Variants in CDH10 observed in about 807,000 individuals in gnomAD.
CDH10 encodes cadherin-10.
CDH10 carries 30 observed loss-of-function variants against 73.1 expected under a neutral mutation model. The ratio of observed to expected loss-of-function variants is 0.41; its 90% CI spans 0.31 to 0.56. CDH10 has a LOEUF of 0.56. CDH10 is among the 20% of genes least tolerant of loss of function. The pLI is 0.27. For synonymous variants in CDH10, 345 were observed against 348.2 expected, an observed-to-expected ratio of 0.99 and a Z score of 0.10; for missense variants, 815 against 973.7, an observed-to-expected ratio of 0.84 and a Z score of 2.17.
At position 24,597,168 on chromosome 5, in the gene CDH10, G is replaced by T. The variant is rs1322571295; in HGVS notation, c.-123-3555C>A. On this transcript the variant is annotated intron_variant, in intron 1 of 11. Transcript: ENST00000264463. ...TATTAAAACATCCTTCAGCCATTCT[G>T]CAATCCCATATTTCCTTTAGACCAG... 2.0e-5 allele frequency among the ~76,000 whole-genome samples: 3 copies of T among 151,972 alleles called. No individual in the cohort carries two copies. In the East Asian group the frequency reaches 5.8e-4, roughly 29 times the overall value.
At chr5:24,590,481 T>C (rs1746162809) in intron 2 of CDH10, among the ~76,000 whole-genome samples, 2 of 151,932 alleles carry the variant, frequency 1.3e-5, no homozygotes, top group African/African-American at 4.8e-5. Flanking sequence ...CCAAGAGAAG[T>C]TGATAAACCA....
In CDH10 at chr5:24,498,514, G is replaced by T. The variant is rs1742374038; in HGVS notation, c.1399C>A (p.Pro467Thr). 1 of 1,600,188 alleles carries T rather than the reference G, an allele frequency of 6.2e-7. No individual in the cohort carries two copies. The highest frequency in any genetic ancestry group is 1.1e-5 in the South Asian group (1 of 89,946). ...ACAGCCACGCGTGTTGTCTCTTTGG[G>T]ATTGTCTGGAAAAGGGGAAGAAAAA... ...LTVIAAEINN[P>T]KETTRVAVFV... The change falls in exon 9 of 12, where the codon CCC (proline) becomes ACC (threonine). Residue 467 changes from proline (P) to threonine (T), a missense_variant. By Grantham distance (38) the Pro-to-Thr change is conservative. This residue lies in a region of CDH10 where 516 missense variants were observed against 636.6 expected (regional missense o/e 0.81). Transcript: ENST00000264463.
chr5:24,535,917 A>G, intron 3 of CDH10, 95 bp from the exon 4 acceptor site: 1 of 803,466 alleles, frequency 1.2e-6, no homozygotes. Context: ...TTCTGGCTTT[A>G]ATCATGACCT....
chr5:24,529,364 G>C (rs1203842152), intron 5 of CDH10, among the ~76,000 whole-genome samples: 2 of 151,860 alleles, frequency 1.3e-5, no homozygotes, highest in Non-Finnish European at 2.9e-5. Context: ...ATAATGAATT[G>C]ATGTTGAAAT....
At chr5:24,635,675 A>G (rs574759904) in intron 1 of CDH10, among the ~76,000 whole-genome samples, 8 of 152,122 alleles carry the variant, frequency 5.3e-5, no homozygotes, top group Non-Finnish European at 1.2e-4. Context: ...AATGCAATTT[A>G]AGCTTTCAGG....
intron 2 of CDH10, among the ~76,000 whole-genome samples, chr5:24,558,019 T>C (rs1744825025): frequency 6.6e-6 from 1 of 151,684 alleles, no homozygotes; most frequent in African/African-American, 2.4e-5. Context: ...ATAAAATAAT[T>C]TTTTGACTAT....
At chr5:24,548,480 CTTT>C (rs70965609) in intron 2 of CDH10, among the ~76,000 whole-genome samples, 3 of 108,714 alleles carry the variant, frequency 2.8e-5, no homozygotes, top group Non-Finnish European at 3.8e-5. Context: ...CAGTCCTCCT[CTTT>C]TTTTTTTTTT....
At chr5:24,505,087 G>T (rs1218628203) in intron 8 of CDH10, 25 bp downstream of exon 8, 2 of 1,499,942 alleles carry the variant, frequency 1.3e-6, no homozygotes, top group Non-Finnish European at 9.3e-7. Context: ...CTAGATATAT[G>T]TTAGATACAT....
At chr5:24,572,666 A>G (rs1397012145) in intron 2 of CDH10, among the ~76,000 whole-genome samples, 17 of 152,080 alleles carry the variant, frequency 1.1e-4, no homozygotes, top group Admixed American at 1.1e-3. Context: ...GTAGAATCGT[A>G]TTTTCAGGAA....
At chr5:24,494,676 G>T (rs1579714543) in intron 9 of CDH10, among the ~76,000 whole-genome samples, 1 of 151,876 alleles carries the variant, frequency 6.6e-6, no homozygotes, top group East Asian at 1.9e-4. Context: ...AACAAATAGT[G>T]ACATCTTTAC....
chr5:24,556,698 T>G (rs2111973038), intron 2 of CDH10, among the ~76,000 whole-genome samples: 1 of 151,756 alleles, frequency 6.6e-6, no homozygotes, highest in East Asian at 1.9e-4. Flanking sequence ...TCTTAAAAAC[T>G]TAATGACTAG....
chr5:24,586,344 G>C (rs1745992081), intron 2 of CDH10, among the ~76,000 whole-genome samples: 1 of 151,258 alleles, frequency 6.6e-6, no homozygotes, highest in Non-Finnish European at 1.5e-5. Context: ...AAAGAGAGAA[G>C]CAAAGGTTTT....
At chr5:24,496,588 C>G (rs1742297280) in intron 9 of CDH10, among the ~76,000 whole-genome samples, 1 of 152,242 alleles carries the variant, frequency 6.6e-6, no homozygotes, top group Non-Finnish European at 1.5e-5. Flanking sequence ...TGTCCACAAC[C>G]AAATGAATGG....
chr5:24,496,425 T>TGAAG (rs1373672105), intron 9 of CDH10, among the ~76,000 whole-genome samples: 1 of 151,984 alleles, frequency 6.6e-6, no homozygotes, highest in Admixed American at 6.6e-5. Flanking sequence ...ATGGAAAAGG[T>TGAAG]GAAGGGTCAA....
chr5:24,537,019 T>C (rs899148584), intron 3 of CDH10, among the ~76,000 whole-genome samples: 2 of 151,510 alleles, frequency 1.3e-5, no homozygotes, highest in Non-Finnish European at 2.9e-5. Flanking sequence ...TTATATAACC[T>C]CTATGGTATT....
chr5:24,570,159 G>A (rs747942239), intron 2 of CDH10, among the ~76,000 whole-genome samples: 1 of 152,110 alleles, frequency 6.6e-6, no homozygotes. Flanking sequence ...ATATTAATTT[G>A]TAGAAACTTT....
Position 24,511,324 on chromosome 5 carries a change from C to G in CDH10, c.1002+3G>C, listed in dbSNP as rs781536046. 6.3e-7 allele frequency: 1 copy of G among 1,588,490 alleles called. No individual in the cohort carries two copies. Among genetic ancestry groups the G allele is most frequent in the South Asian group, 1.1e-5 (1 of 90,060 alleles). On this transcript the variant is annotated splice_donor_region_variant and intron_variant, in intron 6 of 11. Transcript: ENST00000264463. Reference sequence around the variant, plus strand: ...GATGCTTATTTATATGGATGCTGTGCACCTTTTTCACAGTGATGATGCCTT... The same window carrying G: ...GATGCTTATTTATATGGATGCTGTGGACCTTTTTCACAGTGATGATGCCTT...
chr5:24,529,644 C>A (rs1224655721), intron 5 of CDH10, among the ~76,000 whole-genome samples: 4 of 151,882 alleles, frequency 2.6e-5, no homozygotes, highest in Non-Finnish European at 5.9e-5. Context: ...TATCAAATCT[C>A]ACTTAATTTG....
chr5:24,490,432 A>ACG (rs1554015727), intron 11 of CDH10, among the ~76,000 whole-genome samples: 1 of 151,874 alleles, frequency 6.6e-6, no homozygotes, highest in African/African-American at 2.4e-5. Context: ...AAATTATAAA[A>ACG]TATATTTTTT....
Sources: gnomAD v4.1 joint callset for allele counts (sites outside exome capture counted in the v4.1 genomes callset) on GRCh38, gnomAD v4.1.1 for gene constraint, gnomAD v4.1.1 regional missense constraint, MANE v1.5 for transcripts, NCBI Gene and HGNC (gene_info 2026-07-23, HGNC 2026-07-21) for gene names.